GSE1: variants seen among roughly 807,000 people sequenced by gnomAD.
GSE1 encodes the protein Gse1 coiled-coil protein.
GSE1 carries 32 observed loss-of-function variants against 112.6 expected under a neutral mutation model. The ratio of observed to expected loss-of-function variants is 0.28; its 90% confidence interval spans 0.21 to 0.38. The LOEUF (loss-of-function observed/expected upper bound fraction) is 0.38. Ranked by LOEUF, GSE1 falls within the 10% of genes least tolerant of loss-of-function variation. The pLI is 1.00. For synonymous variants in GSE1, 1,115 were observed against 735.6 expected (o/e 1.52, Z -8.35); for missense variants, 2,348 against 1,699.2 (o/e 1.38, Z -6.71).
intron 1 of GSE1, among the ~76,000 whole-genome samples, chr16:85,579,011 A>G (rs9937814): frequency 0.46 from 69,695 of 152,046 alleles, 18,875 homozygotes; most frequent in African/African-American, 0.76. Context: ...CGCTTAATCA[A>G]TGTCAGTGGG....
At chr16:85,445,002 G>A (rs896929386) in intron 2 of GSE1, among the ~76,000 whole-genome samples, 4 of 152,224 alleles carry the variant, frequency 2.6e-5, no homozygotes, top group Admixed American at 6.5e-5. Flanking sequence ...ATCTTGAGCC[G>A]CTTTTCATGC....
At chr16:85,556,220 A>C in exon 1 of GSE1, 1 of 983,566 alleles carries the variant, frequency 1.0e-6, no homozygotes, top group Non-Finnish European at 1.2e-6. Flanking sequence ...TGTTTTGGAC[A>C]TTTTTGAGCG....
At chr16:85,481,113 C>G (rs1235205302) in intron 2 of GSE1, among the ~76,000 whole-genome samples, 1 of 152,244 alleles carries the variant, frequency 6.6e-6, no homozygotes, top group Non-Finnish European at 1.5e-5. Context: ...CCTGGGACAG[C>G]CACGCCTCGC....
chr16:85,365,622 A>G (rs1053888255), intron 2 of GSE1, among the ~76,000 whole-genome samples: 4 of 152,220 alleles, frequency 2.6e-5, no homozygotes, highest in Non-Finnish European at 5.9e-5. Flanking sequence ...GGGTGCGTCC[A>G]TGTGCATTGC....
At chr16:85,435,949 AC>A (rs1335825819) in intron 2 of GSE1, among the ~76,000 whole-genome samples, 1 of 151,952 alleles carries the variant, frequency 6.6e-6, no homozygotes, top group Non-Finnish European at 1.5e-5. Context: ...CCATGTAGTC[AC>A]CCCAGAAGGC....
chr16:85,624,000 C>T (rs532142566), intron 1 of GSE1, among the ~76,000 whole-genome samples: 2 of 152,196 alleles, frequency 1.3e-5, no homozygotes, highest in Non-Finnish European at 2.9e-5. Flanking sequence ...GATCCTCTCT[C>T]CCTCCCACTT....
At chr16:85,634,594 C>G (rs2049830008) in intron 2 of GSE1, among the ~76,000 whole-genome samples, 1 of 152,134 alleles carries the variant, frequency 6.6e-6, no homozygotes, top group Admixed American at 6.5e-5. Flanking sequence ...GAGCGGGGGT[C>G]TCTGGCACAG....
At chr16:85,632,985 G>A (rs1447366655) in intron 1 of GSE1, among the ~76,000 whole-genome samples, 1 of 151,410 alleles carries the variant, frequency 6.6e-6, no homozygotes, top group Non-Finnish European at 1.5e-5. Flanking sequence ...ATGTCACCAG[G>A]TGGCTGCCCC....
chr16:85,474,401 C>T (rs925138650), intron 2 of GSE1, among the ~76,000 whole-genome samples: 1 of 152,266 alleles, frequency 6.6e-6, no homozygotes, highest in African/African-American at 2.4e-5. Context: ...AGGAGAACAG[C>T]TGGAGGTGCA....
intron 2 of GSE1, among the ~76,000 whole-genome samples, chr16:85,386,727 C>T (rs985895025): frequency 2.6e-5 from 4 of 152,232 alleles, no homozygotes; most frequent in South Asian, 2.1e-4. Flanking sequence ...TCAGGAAAGT[C>T]GACCTCACTT....
intron 1 of GSE1, among the ~76,000 whole-genome samples, chr16:85,333,055 C>T (rs905929447): frequency 2.0e-4 from 30 of 152,120 alleles, no homozygotes; most frequent in Admixed American, 1.8e-3. Context: ...CTTTGTACCC[C>T]GCCGCCTTGG....
At chr16:85,451,031 A>G (rs1487618942) in intron 2 of GSE1, among the ~76,000 whole-genome samples, 4 of 137,430 alleles carry the variant, frequency 2.9e-5, no homozygotes, top group Non-Finnish European at 4.5e-5. Flanking sequence ...CCAAGATCGC[A>G]CCACTGCACT....
chr16:85,634,235 T>G, intron 2 of GSE1, 103 bp downstream of exon 2: 1 of 794,804 alleles, frequency 1.3e-6, no homozygotes, highest in East Asian at 3.3e-5. Context: ...GTCTCGTCTT[T>G]CCCACGCCGT....
At chr16:85,235,317 C>T (rs1414859044) in intron 1 of GSE1, among the ~76,000 whole-genome samples, 1 of 151,642 alleles carries the variant, frequency 6.6e-6, no homozygotes, top group Non-Finnish European at 1.5e-5. Context: ...GTGACGGCTC[C>T]CCAGGCGAAG....
rs1042440114 is a variant in GSE1 at position 85,471,334 on chromosome 16, A to T, written c.2464+113691A>T. On this transcript the variant is annotated intron_variant, in intron 2 of 2. Coordinates refer to the GSE1 transcript ENST00000637419. ...CTCCAACCTCATTTAGTCACAGTTT[A>T]AGATGAAGATAGTAAATGTTGGTTG... Among the ~76,000 whole-genome samples, 60 of 152,364 alleles carry T rather than the reference A, an allele frequency of 3.9e-4. 1 individual carries two copies. The highest frequency in any genetic ancestry group is 5.8e-4 in the East Asian group (3 of 5,196).
chr16:85,423,613 G>A (rs2048901167), intron 2 of GSE1, among the ~76,000 whole-genome samples: 1 of 142,980 alleles, frequency 7.0e-6, no homozygotes, highest in African/African-American at 2.5e-5. Context: ...CTGTAGAAAA[G>A]AGAATGCGCA....
chr16:85,465,589 C>T (rs2050101399), intron 2 of GSE1, among the ~76,000 whole-genome samples: 1 of 152,206 alleles, frequency 6.6e-6, no homozygotes, highest in South Asian at 2.1e-4. Flanking sequence ...CTTCCTGCCT[C>T]TCCCTACCGT....
chr16:85,628,985 A>G (rs1598443262), intron 1 of GSE1, among the ~76,000 whole-genome samples: 1 of 152,100 alleles, frequency 6.6e-6, no homozygotes, highest in African/African-American at 2.4e-5. Context: ...TGGATCTCTC[A>G]TGAAGGGGTT....
intron 1 of GSE1, among the ~76,000 whole-genome samples, chr16:85,626,651 G>A (rs902177693): frequency 2.6e-5 from 4 of 152,326 alleles, no homozygotes; most frequent in East Asian, 1.9e-4. Context: ...TGCTTGAACC[G>A]GGACCCAGCA....
Sources: allele counts gnomAD v4.1 joint callset (sites outside exome capture counted in the v4.1 genomes callset), GRCh38; gene constraint gnomAD v4.1.1; transcripts MANE v1.5; gene names NCBI Gene and HGNC (gene_info 2026-07-23, HGNC 2026-07-21).